The following FBXO38 variants were observed in gnomAD, a reference collection of about 807,000 sequenced individuals.
The protein encoded by FBXO38 is F-box protein 38.
A neutral mutation model predicts 131.9 loss-of-function variants in FBXO38; 53 were observed. The ratio of observed to expected loss-of-function variants is 0.40; its 90% CI spans 0.32 to 0.51. The LOEUF (loss-of-function observed/expected upper bound fraction) is 0.51, where lower values mean the gene tolerates loss of function less well. Ranked by LOEUF, FBXO38 falls within the 20% of genes least tolerant of loss-of-function variation. The probability of loss-of-function intolerance (pLI) is 0.53; values close to 1 mark genes in which losing one functional copy is unlikely to be tolerated. For synonymous variants in FBXO38, 452 were observed against 505.6 expected (o/e 0.89, Z 1.42); for missense variants, 1,076 against 1,475.6 (o/e 0.73, Z 4.44).
At position 148,442,367 on chromosome 5, in the gene FBXO38, A is replaced by G. The variant is rs1346257896; in HGVS notation, c.*220A>G. ...TACCAACTTTATATCATATGTTTAT[A>G]CAATTTAATTTAAAAATTCATTTTA... is the stretch of plus-strand genomic sequence containing the variant. On this transcript the variant is annotated 3_prime_UTR_variant, in exon 22 of 22. Transcript: ENST00000340253. The G allele has an allele frequency of 5.8e-6, 2 of 345,168 alleles. No individual in the cohort carries two copies. Among genetic ancestry groups the G allele is most frequent in the African/African-American group, 4.2e-5 (2 of 47,568 alleles). The allele number at this position is 345,168 out of a possible 1,614,324, so 21.4% of individuals were successfully genotyped here. A position where few individuals can be genotyped will look rare whatever the true frequency, so the allele number is the denominator to read the frequency against.
chr5:148,433,480 T>C lies in FBXO38; in HGVS notation c.2710T>C (p.Ser904Pro), dbSNP rs1427880094. 6.2e-7 allele frequency: 1 copy of C among 1,613,864 alleles called. No individual in the cohort carries two copies. ...AMKRKRTADK[S>P]TSTSDPVIED... The stretch of plus-strand genomic sequence containing the variant: ...GAAACGGAAGCGGACAGCAGATAAA[T>C]CCACTAGTACAAGTGATCCTGTGAT... Residue 904 changes from serine to proline, a missense_variant, in exon 16 of 22, where the codon TCC becomes CCC. Physicochemically the swap from Ser to Pro is moderately conservative, Grantham distance 74 (BLOSUM62 -1). This residue lies in a region of FBXO38 where 282 missense variants were observed against 418.8 expected (regional missense o/e 0.67). Transcript: ENST00000340253.
intron 1 of FBXO38, among the ~76,000 whole-genome samples, chr5:148,391,232 G>A (rs1334492937): frequency 2.0e-5 from 3 of 152,188 alleles, no homozygotes; most frequent in South Asian, 2.1e-4. Flanking sequence ...CAGCAGCCTC[G>A]AAGCTACTGG....
intron 5 of FBXO38, among the ~76,000 whole-genome samples, chr5:148,403,714 A>G (rs2113537858): frequency 6.6e-6 from 1 of 152,302 alleles, no homozygotes; most frequent in East Asian, 1.9e-4. Flanking sequence ...GTAGGTTACA[A>G]TAAGAACATT....
chr5:148,425,445 G>C, intron 13 of FBXO38, 77 bp from the exon 14 acceptor site: 1 of 1,167,616 alleles, frequency 8.6e-7, no homozygotes, highest in East Asian at 2.3e-5. Context: ...GTTGATTCCA[G>C]ATCCCTGGAA....
At chr5:148,418,100 A>G (rs1753166974) in intron 12 of FBXO38, among the ~76,000 whole-genome samples, 1 of 151,974 alleles carries the variant, frequency 6.6e-6, no homozygotes, top group Admixed American at 6.6e-5. Flanking sequence ...AGAACTCTCC[A>G]CTTTGGCTCT....
At chr5:148,393,990 C>G (rs1758347284) in intron 1 of FBXO38, among the ~76,000 whole-genome samples, 1 of 152,108 alleles carries the variant, frequency 6.6e-6, no homozygotes, top group Admixed American at 6.5e-5. Context: ...TCTTTTCTTT[C>G]TCTTTTCATC....
intron 18 of FBXO38, among the ~76,000 whole-genome samples, chr5:148,438,795 A>T (rs960015820): frequency 6.6e-6 from 1 of 152,116 alleles, no homozygotes; most frequent in Non-Finnish European, 1.5e-5. Flanking sequence ...TAGTTTCTTC[A>T]TCTGTAAAAT....
At chr5:148,441,093 GC>G (rs760448961) in intron 20 of FBXO38, 30 bp from the exon 21 acceptor site, 2 of 1,535,870 alleles carry the variant, frequency 1.3e-6, no homozygotes, top group Non-Finnish European at 1.8e-6. Flanking sequence ...GCACTCCCAC[GC>G]CAGTTAGCAA....
chr5:148,392,375 A>G (rs1758240020), intron 1 of FBXO38, among the ~76,000 whole-genome samples: 1 of 151,944 alleles, frequency 6.6e-6, no homozygotes, highest in Non-Finnish European at 1.5e-5. Context: ...TTAGGGAAAT[A>G]GGTGTGTTTA....
chr5:148,434,437 A>T (rs191607202), intron 17 of FBXO38: 15 of 152,304 alleles, frequency 9.8e-5, no homozygotes, highest in African/African-American at 3.6e-4. Context: ...ATATCCATCC[A>T]TGTAAAATTA....
In FBXO38 at chr5:148,394,798, G is replaced by T; in HGVS notation, c.22G>T (p.Val8Leu). 1 of 1,584,866 alleles carries T rather than the reference G, an allele frequency of 6.3e-7. No homozygotes were observed. The highest frequency in any genetic ancestry group is 1.2e-5 in the South Asian group (1 of 86,792). Residue 8 changes from valine (V) to leucine (L), a missense_variant, in exon 2 of 22, where the codon GTG (valine) becomes TTG (leucine). By Grantham distance (32) the Val-to-Leu change is conservative. Around this residue, in one of 8 missense-constraint regions of FBXO38, gnomAD observed 58 missense variants for 53.1 expected, o/e 1.09. Transcript: ENST00000340253. MGPRKKS[V>L]KTCIMNNEIP... ...AACAATGGGGCCACGAAAGAAAAGT[G>T]TGAAAACATGTATCATGAATAATGA... is the stretch of plus-strand genomic sequence containing the variant.
intron 1 of FBXO38, among the ~76,000 whole-genome samples, chr5:148,386,838 A>G (rs1429165740): frequency 1.3e-5 from 2 of 152,246 alleles, no homozygotes; most frequent in Non-Finnish European, 2.9e-5. Flanking sequence ...ACAATGTAGT[A>G]TAATCTATCA....
intron 9 of FBXO38, chr5:148,410,990 T>C: frequency 2.3e-6 from 1 of 442,940 alleles, no homozygotes; most frequent in Non-Finnish European, 3.9e-6. Flanking sequence ...TTACTAACAA[T>C]ACACCAGAAA....
intron 2 of FBXO38, 27 bp from the exon 3 acceptor site, chr5:148,398,972 A>G: frequency 1.2e-6 from 2 of 1,612,278 alleles, no homozygotes; most frequent in Non-Finnish European, 1.7e-6. Flanking sequence ...TCCACTTGAT[A>G]AATACGAGTT....
At chr5:148,419,506 A>C (rs1002487293) in intron 12 of FBXO38, among the ~76,000 whole-genome samples, 2 of 152,226 alleles carry the variant, frequency 1.3e-5, no homozygotes, top group Admixed American at 1.3e-4. Flanking sequence ...TGATGGTTCA[A>C]ATCTTCAAGT....
chr5:148,405,734 TCTC>T (rs1440036464), intron 6 of FBXO38, among the ~76,000 whole-genome samples: 1 of 152,220 alleles, frequency 6.6e-6, no homozygotes, highest in Admixed American at 6.5e-5. Flanking sequence ...AACTTACTTT[TCTC>T]CTCTTTCTTT....
intron 1 of FBXO38, among the ~76,000 whole-genome samples, chr5:148,386,977 GTC>G (rs1757945989): frequency 6.6e-6 from 1 of 152,100 alleles, no homozygotes; most frequent in Admixed American, 6.5e-5. Context: ...GGAAGATCTT[GTC>G]TCTGTCTTGG....
intron 1 of FBXO38, chr5:148,390,102 C>T (rs1758124045): frequency 6.6e-6 from 1 of 151,824 alleles, no homozygotes; most frequent in African/African-American, 2.4e-5. Context: ...AGTGTTCTTT[C>T]TCATATAGGG....
rs141211499 is a variant in FBXO38, at chr5:148,427,506, G to A, written c.2212G>A (p.Glu738Lys). 4.6e-5 allele frequency: 75 copies of A among 1,614,140 alleles called. No homozygotes were observed. The highest frequency in any genetic ancestry group is 1.6e-4 in the Middle Eastern group (1 of 6,062). ...VRTVNSGGSS[E>K]PSPTEVDVSR... is the part of the protein sequence containing the mutation. Reference sequence around the variant, plus strand: ...GACGGTGAACAGCGGCGGCTCTTCCGAGCCTAGCCCTACAGAAGTGGATGT... The same window carrying A: ...GACGGTGAACAGCGGCGGCTCTTCCAAGCCTAGCCCTACAGAAGTGGATGT... Residue 738 changes from glutamate (E) to lysine (K), a missense_variant, in exon 15 of 22, where the codon GAG becomes AAG. Coordinates refer to ENST00000340253, the MANE Select transcript of FBXO38 (RefSeq NM_205836.3).
Sources: allele counts gnomAD v4.1 joint callset (sites outside exome capture counted in the v4.1 genomes callset), GRCh38; gene constraint gnomAD v4.1.1; regional missense constraint gnomAD v4.1.1; transcripts MANE v1.5; gene names NCBI Gene and HGNC (gene_info 2026-07-23, HGNC 2026-07-21).